Variants in FYB1 observed in about 807,000 individuals in gnomAD.
FYB1 encodes FYN-binding protein 1.
In FYB1, 41 loss-of-function variants were observed where a neutral mutation model predicts 94.1. The ratio of observed to expected loss-of-function variants is 0.44; its 90% CI spans 0.34 to 0.57. The LOEUF (loss-of-function observed/expected upper bound fraction) is 0.57, where lower values mean the gene tolerates loss of function less well. FYB1 is among the 20% of genes least tolerant of loss of function. The pLI, the probability that FYB1 is intolerant of heterozygous loss-of-function variation, is 0.02. For missense variants in FYB1, 1,050 were observed against 976.8 expected (o/e 1.07, Z -1.00); for synonymous variants, 367 against 353.2 (o/e 1.04, Z -0.44).
intron 2 of FYB1, among the ~76,000 whole-genome samples, chr5:39,198,335 A>G (rs1748011096): frequency 6.6e-6 from 1 of 152,210 alleles, no homozygotes; most frequent in Non-Finnish European, 1.5e-5. Flanking sequence ...GCTCTGTACC[A>G]TTAATAACAT....
At chr5:39,140,922 A>G (rs1742115913) in intron 4 of FYB1, among the ~76,000 whole-genome samples, 173 bp downstream of exon 4, 1 of 152,240 alleles carries the variant, frequency 6.6e-6, no homozygotes, top group South Asian at 2.1e-4. Flanking sequence ...GTAAGGAAGG[A>G]GGAGAAAGGA....
At chr5:39,120,018 G>A (rs1235426600) in intron 14 of FYB1, among the ~76,000 whole-genome samples, 1 of 151,962 alleles carries the variant, frequency 6.6e-6, no homozygotes, top group Non-Finnish European at 1.5e-5. Context: ...TCATAAGAAA[G>A]GCTTTTTAAA....
chr5:39,126,381 G>A (rs948106040), intron 11 of FYB1, among the ~76,000 whole-genome samples: 1 of 151,918 alleles, frequency 6.6e-6, no homozygotes, highest in Non-Finnish European at 1.5e-5. Context: ...TTCTTAAAAT[G>A]TGAAGCAAGT....
chr5:39,151,335 G>A (rs538893189), intron 3 of FYB1, among the ~76,000 whole-genome samples: 88 of 152,164 alleles, frequency 5.8e-4, no homozygotes, highest in African/African-American at 2.1e-3. Flanking sequence ...TGTCACCCAG[G>A]CTGGAGTGCA....
At chr5:39,225,520 C>T (rs1257567020) in intron 1 of FYB1, among the ~76,000 whole-genome samples, 3 of 152,170 alleles carry the variant, frequency 2.0e-5, no homozygotes, top group African/African-American at 7.2e-5. Context: ...GCCCATGCTG[C>T]TGGGGTGGAG....
intron 2 of FYB1, chr5:39,169,557 A>G: frequency 1.9e-6 from 1 of 524,456 alleles, no homozygotes; most frequent in Non-Finnish European, 3.8e-6. Flanking sequence ...TTGAAAGACC[A>G]AGGAGGGCCA....
intron 1 of FYB1, among the ~76,000 whole-genome samples, chr5:39,247,127 AT>A (rs1325514623): frequency 2.9e-4 from 36 of 123,876 alleles, no homozygotes; most frequent in African/African-American, 1.0e-3. Context: ...ACTATATACC[AT>A]TTGTCAAATG....
chr5:39,268,243 T>TC lies in FYB1; in HGVS notation c.-28+6159_-28+6160insG, dbSNP rs1425192031. ...GTATATTTATATTTCTTTTTTTCTT[T>TC]TTTTTTTTTTTGAATACAGGGTTGC... On this transcript the variant is annotated intron_variant, in intron 1 of 1. Coordinates refer to the FYB1 transcript ENST00000510188. Among the ~76,000 whole-genome samples the TC allele has an allele frequency of 9.8e-4, 147 of 150,212 alleles. 3 individuals are homozygous for TC. Among genetic ancestry groups the TC allele is most frequent in the African/African-American group, 3.4e-3 (140 of 41,278 alleles).
At chr5:39,179,506 G>GAAAGTCCACTTTGCTCCATTTCC (rs1170890285) in intron 2 of FYB1, among the ~76,000 whole-genome samples, 1 of 151,698 alleles carries the variant, frequency 6.6e-6, no homozygotes, top group African/African-American at 2.4e-5. Flanking sequence ...TGAGTTACAG[G>GAAAGTCCACTTTGCTCCATTTCC]AAAGTCCACT....
rs556334983 is a variant in FYB1 at position 39,227,738 on chromosome 5, T to C, written c.-27-24751A>G. Among the ~76,000 whole-genome samples the C allele has an allele frequency of 7.4e-4, 112 of 152,356 alleles. 3 individuals are homozygous for C. The South Asian group carries it at 0.022, about 30-fold the overall frequency. On this transcript the variant is annotated intron_variant, in intron 1 of 1. Coordinates refer to the FYB1 transcript ENST00000510188. ...AATGGCTTCCGTCATTGAAGTCACC[T>C]GCCTGAATCCAGTAGGCCTTTGGTT...
At chr5:39,216,791 A>G (rs1337110813) in intron 1 of FYB1, among the ~76,000 whole-genome samples, 2 of 152,198 alleles carry the variant, frequency 1.3e-5, no homozygotes, top group Admixed American at 6.5e-5. Context: ...CACAGGCAGC[A>G]TGTGAATTTG....
intron 1 of FYB1, among the ~76,000 whole-genome samples, chr5:39,261,684 T>C (rs1752224500): frequency 6.6e-6 from 1 of 152,042 alleles, no homozygotes; most frequent in Non-Finnish European, 1.5e-5. Context: ...GAGGCGGAGA[T>C]TGCAGTGAGC....
chr5:39,257,985 C>T (rs901109103), intron 1 of FYB1, among the ~76,000 whole-genome samples: 1 of 152,120 alleles, frequency 6.6e-6, no homozygotes, highest in Admixed American at 6.6e-5. Context: ...CAAACTTGAG[C>T]GTGCATCAGA....
At chr5:39,242,333 C>T (rs945236871) in intron 1 of FYB1, among the ~76,000 whole-genome samples, 9 of 148,880 alleles carry the variant, frequency 6.0e-5, no homozygotes, top group Admixed American at 2.0e-4. Flanking sequence ...TGTTCCCCAC[C>T]GTGTGTCCAA....
intron 1 of FYB1, chr5:39,270,599 G>A: frequency 1.3e-6 from 2 of 1,534,086 alleles, no homozygotes; most frequent in African/African-American, 1.4e-5. Flanking sequence ...GATATGCCTG[G>A]CACACAATGA....
chr5:39,229,346 G>T (rs1165588352), intron 1 of FYB1, among the ~76,000 whole-genome samples: 3 of 152,160 alleles, frequency 2.0e-5, no homozygotes, highest in Non-Finnish European at 4.4e-5. Flanking sequence ...GTCATTCTCT[G>T]CAGTGTTAAG....
At chr5:39,189,808 C>T (rs1051213202) in intron 2 of FYB1, among the ~76,000 whole-genome samples, 1 of 152,210 alleles carries the variant, frequency 6.6e-6, no homozygotes, top group Admixed American at 6.5e-5. Flanking sequence ...GCCTGTCCTG[C>T]ACACACATGC....
intron 1 of FYB1, among the ~76,000 whole-genome samples, chr5:39,252,159 A>C (rs1041161208): frequency 6.6e-6 from 1 of 151,960 alleles, no homozygotes; most frequent in Admixed American, 6.5e-5. Flanking sequence ...AAGTAAATAA[A>C]TAAATAAAAA....
intron 3 of FYB1, 127 bp downstream of exon 3, chr5:39,153,321 C>T: frequency 8.6e-7 from 1 of 1,168,994 alleles, no homozygotes. Flanking sequence ...CAGCTCTTCT[C>T]CCTGCCAGCT....
Sources: allele counts gnomAD v4.1 joint callset (sites outside exome capture counted in the v4.1 genomes callset), GRCh38; gene constraint gnomAD v4.1.1; transcripts MANE v1.5; gene names NCBI Gene and HGNC (gene_info 2026-07-23, HGNC 2026-07-21).